The following KIAA1217 variants were observed in gnomAD, a reference collection of about 807,000 sequenced individuals.
KIAA1217 encodes sickle tail protein homolog.
A neutral mutation model predicts 163.9 loss-of-function variants in KIAA1217; 88 were observed. The observed-to-expected ratio is 0.54, with a 90% confidence interval of 0.45 to 0.64. The LOEUF (loss-of-function observed/expected upper bound fraction) is 0.64, where lower values mean the gene tolerates loss of function less well. Ranked by LOEUF, KIAA1217 falls within the 30% of genes least tolerant of loss-of-function variation. KIAA1217 has a pLI of 0.00. For synonymous variants in KIAA1217, 903 were observed against 923.1 expected, an observed-to-expected ratio of 0.98 and a Z score of 0.39; for missense variants, 2,372 against 2,475.0, an observed-to-expected ratio of 0.96 and a Z score of 0.88.
At chr10:24,296,490 C>T (rs928496677) in intron 2 of KIAA1217, among the ~76,000 whole-genome samples, 4 of 152,100 alleles carry the variant, frequency 2.6e-5, no homozygotes, top group African/African-American at 9.7e-5. Context: ...TTGCACAGAA[C>T]CTTGTATAAA....
intron 3 of KIAA1217, among the ~76,000 whole-genome samples, chr10:24,424,966 T>C (rs960963602): frequency 5.9e-5 from 9 of 152,234 alleles, no homozygotes; most frequent in Non-Finnish European, 1.0e-4. Context: ...CTGTGTTAAC[T>C]GTACTGGAAT....
At chr10:24,433,777 C>T (rs1428621987) in intron 4 of KIAA1217, among the ~76,000 whole-genome samples, 1 of 144,980 alleles carries the variant, frequency 6.9e-6, no homozygotes, top group Non-Finnish European at 1.6e-5. Flanking sequence ...TTACACATAA[C>T]AAGTTAGAAT....
At chr10:24,446,546 T>G (rs2132169752) in intron 5 of KIAA1217, among the ~76,000 whole-genome samples, 1 of 152,224 alleles carries the variant, frequency 6.6e-6, no homozygotes, top group East Asian at 1.9e-4. Flanking sequence ...TATCAAGTCA[T>G]CCCGTAGTAA....
At chr10:24,054,281 T>A (rs1265935847) in intron 2 of KIAA1217, among the ~76,000 whole-genome samples, 1 of 152,220 alleles carries the variant, frequency 6.6e-6, no homozygotes, top group Non-Finnish European at 1.5e-5. Flanking sequence ...GGAAGTTGAA[T>A]ACGTGGATCT....
At chr10:23,974,222 C>T (rs1024557745) in intron 1 of KIAA1217, among the ~76,000 whole-genome samples, 1 of 152,134 alleles carries the variant, frequency 6.6e-6, no homozygotes, top group Non-Finnish European at 1.5e-5. Context: ...TGCCCAACAA[C>T]TCCTAAGATG....
intron 2 of KIAA1217, among the ~76,000 whole-genome samples, chr10:24,359,349 T>C (rs1339246939): frequency 6.6e-6 from 1 of 152,248 alleles, no homozygotes; most frequent in Non-Finnish European, 1.5e-5. Context: ...CGCCTCGGCC[T>C]CCCAAAGTGT....
intron 1 of KIAA1217, among the ~76,000 whole-genome samples, chr10:23,902,615 G>A (rs1033127614): frequency 1.3e-5 from 2 of 152,100 alleles, no homozygotes; most frequent in African/African-American, 2.4e-5. Flanking sequence ...CAGATGGCAG[G>A]CAAGGCTGTC....
chr10:24,284,577 C>T (rs566447830), intron 2 of KIAA1217, among the ~76,000 whole-genome samples: 1 of 152,262 alleles, frequency 6.6e-6, no homozygotes, highest in South Asian at 2.1e-4. Context: ...AAAATGACTG[C>T]GTAGTATTCC....
intron 2 of KIAA1217, among the ~76,000 whole-genome samples, chr10:24,063,487 C>T (rs1447697392): frequency 1.3e-5 from 2 of 152,122 alleles, no homozygotes; most frequent in African/African-American, 2.4e-5. Context: ...CTGTTCTGTT[C>T]CATCGGTCTA....
At chr10:24,504,837 C>T (rs2068125013) in intron 9 of KIAA1217, among the ~76,000 whole-genome samples, 1 of 152,156 alleles carries the variant, frequency 6.6e-6, no homozygotes, top group African/African-American at 2.4e-5. Flanking sequence ...TTGTTGCAGA[C>T]ACAATGGGGT....
At chr10:24,137,410 G>A (rs769282302) in intron 2 of KIAA1217, among the ~76,000 whole-genome samples, 1 of 152,220 alleles carries the variant, frequency 6.6e-6, no homozygotes, top group African/African-American at 2.4e-5. Context: ...TGTCTTCTTG[G>A]TGATCAGAGC....
At chr10:24,416,160 G>A (rs147841525) in intron 3 of KIAA1217, among the ~76,000 whole-genome samples, 5 of 152,284 alleles carry the variant, frequency 3.3e-5, no homozygotes, top group East Asian at 1.9e-4. Flanking sequence ...AAATAACGAC[G>A]TAATTATTAC....
chr10:24,546,283 T>C lies in KIAA1217; in HGVS notation c.5791T>C (p.Ser1931Pro), dbSNP rs777958436. Residue 1931 changes from serine (S) to proline (P), a missense_variant, in exon 21 of 21, where the codon TCA becomes CCA. Ser to Pro is a moderately conservative substitution (Grantham distance 74). Transcript: ENST00000376454. ...CAGCTACAAGGCACAGAATGGAAGT[T>C]CAAGCAAAGCCACCCCATCCACAGC... ...LTSYKAQNGS[S>P]SKATPSTAKE... is the part of the protein sequence containing the mutation. 3 of 1,612,642 alleles carry C rather than the reference T, an allele frequency of 1.9e-6. No homozygotes were observed. Among genetic ancestry groups the C allele is most frequent in the Non-Finnish European group, 2.5e-6 (3 of 1,179,108 alleles).
At chr10:24,400,621 T>C (rs3858216) in intron 3 of KIAA1217, among the ~76,000 whole-genome samples, 14,776 of 152,146 alleles carry the variant, frequency 0.097, 2,245 homozygotes, top group African/African-American at 0.33. Context: ...TTGTGAACAA[T>C]ACTAGAGACA....
intron 2 of KIAA1217, among the ~76,000 whole-genome samples, chr10:24,020,432 C>G (rs549019560): frequency 6.6e-6 from 1 of 152,114 alleles, no homozygotes; most frequent in East Asian, 1.9e-4. Context: ...AGGTTGTGGT[C>G]TCATTTGGGT....
intron 2 of KIAA1217, among the ~76,000 whole-genome samples, chr10:24,063,953 G>T (rs1442785159): frequency 6.6e-6 from 1 of 152,064 alleles, no homozygotes; most frequent in Non-Finnish European, 1.5e-5. Context: ...GTCTGTTATT[G>T]GTGTATAAGA....
At chr10:24,369,586 A>C (rs1169091389) in intron 2 of KIAA1217, among the ~76,000 whole-genome samples, 1 of 152,186 alleles carries the variant, frequency 6.6e-6, no homozygotes, top group Non-Finnish European at 1.5e-5. Context: ...CTCTCCATAA[A>C]GCACTGAAGC....
At chr10:24,209,319 T>C in intron 1 of KIAA1217, 56 bp downstream of exon 1, 1 of 1,355,902 alleles carries the variant, frequency 7.4e-7, no homozygotes, top group Non-Finnish European at 1.0e-6. Flanking sequence ...CCCTTGCCGC[T>C]TGCTGCTTTT....
chr10:23,705,815 G>A (rs1398857682), intron 1 of KIAA1217, among the ~76,000 whole-genome samples: 1 of 152,098 alleles, frequency 6.6e-6, no homozygotes, highest in Non-Finnish European at 1.5e-5. Flanking sequence ...CTGGGGTTGT[G>A]GTAGGAATGG....
Sources: gnomAD v4.1 joint callset for allele counts (sites outside exome capture counted in the v4.1 genomes callset) on GRCh38, gnomAD v4.1.1 for gene constraint, MANE v1.5 for transcripts, NCBI Gene and HGNC (gene_info 2026-07-23, HGNC 2026-07-21) for gene names.